Variants in RAB38 observed in about 807,000 individuals in gnomAD.
RAB38 encodes RAB38, member RAS oncogene family.
RAB38 carries 15 observed loss-of-function variants against 18.4 expected under a neutral mutation model. That is an observed-to-expected ratio of 0.82 (90% confidence interval 0.55 to 1.26). The LOEUF is 1.26. Ranked by LOEUF, RAB38 falls within the 50% of genes most tolerant of loss-of-function variation. The pLI, the probability that RAB38 is intolerant of heterozygous loss-of-function variation, is 0.00. For synonymous variants in RAB38, 101 were observed against 104.4 expected (o/e 0.97, Z 0.20); for missense variants, 294 against 267.4 (o/e 1.10, Z -0.69).
At chr11:87,958,912 G>T in the RAB38 span, among the ~76,000 whole-genome samples, 2 of 152,064 alleles carry the variant, frequency 1.3e-5, no homozygotes, top group Non-Finnish European at 2.9e-5. Context: ...AGAGGAATTT[G>T]TTTATACCCC....
At chr11:88,066,107 G>T in the RAB38 span, among the ~76,000 whole-genome samples, 1 of 152,136 alleles carries the variant, frequency 6.6e-6, no homozygotes, top group East Asian at 1.9e-4. Context: ...TTAAATGTAT[G>T]CTTTGTAACA....
chr11:87,907,574 T>G, the RAB38 span, among the ~76,000 whole-genome samples: 1 of 151,824 alleles, frequency 6.6e-6, no homozygotes, highest in African/African-American at 2.4e-5. Flanking sequence ...AGTTTTTACT[T>G]TTTCTGTTCT....
At chr11:88,074,187 A>C in the RAB38 span, among the ~76,000 whole-genome samples, 1 of 152,148 alleles carries the variant, frequency 6.6e-6, no homozygotes, top group Non-Finnish European at 1.5e-5. Flanking sequence ...TGCTAAAAGG[A>C]GATAAAATTC....
the RAB38 span, among the ~76,000 whole-genome samples, chr11:87,898,710 T>C: frequency 6.6e-6 from 1 of 151,650 alleles, no homozygotes; most frequent in African/African-American, 2.4e-5. Context: ...GAGATGGGAA[T>C]GGGGAAGAAC....
chr11:87,897,289 T>C, the RAB38 span, among the ~76,000 whole-genome samples: 1 of 151,648 alleles, frequency 6.6e-6, no homozygotes, highest in Non-Finnish European at 1.5e-5. Flanking sequence ...CTGATACTTT[T>C]ATTAACATTC....
chr11:87,904,971 C>T, the RAB38 span, among the ~76,000 whole-genome samples: 1 of 151,736 alleles, frequency 6.6e-6, no homozygotes. Flanking sequence ...CACCATCCCT[C>T]TCCCATCCCT....
At chr11:88,052,937 T>TATATATATATC in the RAB38 span, among the ~76,000 whole-genome samples, 1 of 111,422 alleles carries the variant, frequency 9.0e-6, no homozygotes, top group Admixed American at 1.1e-4. Flanking sequence ...TATATATATA[T>TATATATATATC]ATATATAAAT....
the RAB38 span, among the ~76,000 whole-genome samples, chr11:87,823,577 A>G: frequency 3.9e-5 from 6 of 152,206 alleles, no homozygotes; most frequent in African/African-American, 9.6e-5. Flanking sequence ...ATATGGATCA[A>G]TGGAACAGAA....
the RAB38 span, among the ~76,000 whole-genome samples, chr11:88,060,771 A>C: frequency 2.0e-5 from 3 of 152,134 alleles, 1 homozygote; most frequent in East Asian, 5.8e-4. Flanking sequence ...AACAGCCAAA[A>C]TTTTCTCCAA....
the RAB38 span, among the ~76,000 whole-genome samples, chr11:87,940,856 T>C: frequency 6.6e-6 from 1 of 151,924 alleles, no homozygotes; most frequent in Admixed American, 6.6e-5. Flanking sequence ...TGTCTCAAAC[T>C]CCTGACCTCA....
At chr11:87,947,970 A>G in the RAB38 span, among the ~76,000 whole-genome samples, 3 of 152,164 alleles carry the variant, frequency 2.0e-5, no homozygotes, top group Non-Finnish European at 2.9e-5. Context: ...CAGTGAATCT[A>G]TAAATTACCT....
intron 1 of RAB38, among the ~76,000 whole-genome samples, chr11:88,154,172 T>C (rs1188643234): frequency 1.3e-5 from 2 of 152,150 alleles, no homozygotes; most frequent in Admixed American, 6.5e-5. Flanking sequence ...CTTGGAGACA[T>C]TGTGAGGAAA....
chr11:87,962,462 C>G, the RAB38 span, among the ~76,000 whole-genome samples: 1 of 151,784 alleles, frequency 6.6e-6, no homozygotes. Flanking sequence ...TGACCTCAGG[C>G]AAGGAGTGGA....
the RAB38 span, among the ~76,000 whole-genome samples, chr11:87,890,335 C>T: frequency 6.6e-6 from 1 of 151,796 alleles, no homozygotes; most frequent in East Asian, 2.0e-4. Flanking sequence ...TTACTTTCAA[C>T]CTCTGTTTCC....
chr11:88,042,222 G>A, the RAB38 span, among the ~76,000 whole-genome samples: 3 of 152,072 alleles, frequency 2.0e-5, no homozygotes, highest in Non-Finnish European at 2.9e-5. Context: ...TCCAGGTAAC[G>A]ATTCTCCCAA....
At chr11:88,039,447 G>A in the RAB38 span, among the ~76,000 whole-genome samples, 1 of 152,076 alleles carries the variant, frequency 6.6e-6, no homozygotes, top group Non-Finnish European at 1.5e-5. Flanking sequence ...CCAATGTAAA[G>A]CAGCTAGGCA....
At chr11:87,967,759 A>G in the RAB38 span, among the ~76,000 whole-genome samples, 1 of 152,200 alleles carries the variant, frequency 6.6e-6, no homozygotes, top group African/African-American at 2.4e-5. Flanking sequence ...AAGGAATAAA[A>G]TGAGTGAGCT....
chr11:87,947,823 C>A, the RAB38 span, among the ~76,000 whole-genome samples: 2 of 151,950 alleles, frequency 1.3e-5, no homozygotes, highest in Non-Finnish European at 2.9e-5. Flanking sequence ...AGTCAGGTAG[C>A]GTGATGCCTC....
intron 1 of RAB38, among the ~76,000 whole-genome samples, chr11:88,171,804 G>A (rs1044513482): frequency 2.0e-5 from 3 of 152,162 alleles, no homozygotes; most frequent in Non-Finnish European, 1.5e-5. Flanking sequence ...TCTGGATTTG[G>A]AGAGTAATAA....
Sources: allele counts gnomAD v4.1 joint callset (sites outside exome capture counted in the v4.1 genomes callset), GRCh38; gene constraint gnomAD v4.1.1; transcripts MANE v1.5; gene names NCBI Gene and HGNC (gene_info 2026-07-23, HGNC 2026-07-21).